The following FBXO10 variants were observed in gnomAD, a reference collection of about 807,000 sequenced individuals.
FBXO10 encodes the protein F-box protein 10, also known as F-box only protein 10.
FBXO10 carries 39 observed loss-of-function variants against 80.7 expected under a neutral mutation model. The observed-to-expected ratio is 0.48, with a 90% CI of 0.37 to 0.63. The LOEUF is 0.63. FBXO10 is among the 30% of genes least tolerant of loss of function. The pLI, the probability that FBXO10 is intolerant of heterozygous loss-of-function variation, is 0.00. For synonymous variants in FBXO10, 449 were observed against 489.6 expected, an observed-to-expected ratio of 0.92 and a Z score of 1.09; for missense variants, 1,025 against 1,269.0, an observed-to-expected ratio of 0.81 and a Z score of 2.92.
At chr9:37,566,060 C>T (rs1421529224) in intron 1 of FBXO10, among the ~76,000 whole-genome samples, 2 of 152,048 alleles carry the variant, frequency 1.3e-5, no homozygotes, top group Non-Finnish European at 2.9e-5. Flanking sequence ...ATTTGGGGGA[C>T]CATGGGGAGC....
At chr9:37,565,246 TC>T (rs1339930189) in intron 1 of FBXO10, among the ~76,000 whole-genome samples, 25 of 152,298 alleles carry the variant, frequency 1.6e-4, no homozygotes, top group Non-Finnish European at 2.6e-4. Context: ...AAACCTCTTT[TC>T]TTTATAAATT....
At chr9:37,562,881 T>A (rs1464634211) in intron 1 of FBXO10, among the ~76,000 whole-genome samples, 1 of 152,132 alleles carries the variant, frequency 6.6e-6, no homozygotes, top group African/African-American at 2.4e-5. Context: ...AACAAAGATA[T>A]GTCTACCAAA....
chr9:37,520,465 A>T (rs1821309489), intron 8 of FBXO10, among the ~76,000 whole-genome samples: 1 of 149,832 alleles, frequency 6.7e-6, no homozygotes, highest in Admixed American at 6.7e-5. Context: ...AGTAGCTGGG[A>T]CCACAGGCAC....
At chr9:37,571,043 G>A (rs940427203) in intron 1 of FBXO10, among the ~76,000 whole-genome samples, 4 of 151,594 alleles carry the variant, frequency 2.6e-5, no homozygotes, top group Non-Finnish European at 4.4e-5. Flanking sequence ...AATATGAAGG[G>A]ATAAACTCCT....
Position 37,532,004 on chromosome 9 carries a change from G to A in FBXO10, c.1474C>T (p.Arg492Cys), listed in dbSNP as rs753024882. 1.2e-6 allele frequency: 2 copies of A among 1,613,992 alleles called. No homozygotes were observed. The highest frequency in any genetic ancestry group is 1.7e-6 in the Non-Finnish European group (2 of 1,179,864). ...YRCRASGIFL[R>C]LEGGGLIAGN... Reference sequence around the variant, plus strand: ...GCAATCAAGCCACCGCCCTCCAAGCGAAGAAAGATGCCTGACGCTCGGCAG... The same window carrying A: ...GCAATCAAGCCACCGCCCTCCAAGCAAAGAAAGATGCCTGACGCTCGGCAG... Residue 492 changes from arginine to cysteine, a missense_variant, in exon 4 of 11, where the codon CGC (arginine) becomes TGC (cysteine). Arg to Cys is a radical substitution (Grantham distance 180). This residue lies in a region of FBXO10 where 478 missense variants were observed against 667.8 expected (regional missense o/e 0.72). Transcript: ENST00000432825.
At chr9:37,574,111 C>T (rs1822831250) in intron 1 of FBXO10, among the ~76,000 whole-genome samples, 1 of 152,182 alleles carries the variant, frequency 6.6e-6, no homozygotes, top group African/African-American at 2.4e-5. Context: ...TCTGAGAGCT[C>T]TTGCTGACTC....
At chr9:37,571,748 T>TATATATATATATATA (rs1167585567) in intron 1 of FBXO10, among the ~76,000 whole-genome samples, 204 of 134,602 alleles carry the variant, frequency 1.5e-3, no homozygotes, top group African/African-American at 2.1e-3. Flanking sequence ...TATATATATA[T>TATATATATATATATA]TTCCTTATTG....
intron 1 of FBXO10, among the ~76,000 whole-genome samples, chr9:37,571,486 C>T (rs949978342): frequency 4.6e-5 from 7 of 151,972 alleles, no homozygotes; most frequent in African/African-American, 1.7e-4. Context: ...ACACCTGTCA[C>T]TGAGATGTGG....
chr9:37,543,448 A>G (rs1012087592), intron 1 of FBXO10, among the ~76,000 whole-genome samples: 1 of 152,130 alleles, frequency 6.6e-6, no homozygotes, highest in Non-Finnish European at 1.5e-5. Context: ...TTTCTAAGCT[A>G]TAAACTCAGG....
At chr9:37,546,865 G>C (rs1359475864) in intron 1 of FBXO10, among the ~76,000 whole-genome samples, 2 of 152,164 alleles carry the variant, frequency 1.3e-5, no homozygotes, top group African/African-American at 4.8e-5. Flanking sequence ...ATTTTTAGTA[G>C]AGATGGGGTT....
chr9:37,541,844 T>C (rs1480834398), intron 1 of FBXO10, 70 bp from the exon 2 acceptor site: 2 of 1,314,732 alleles, frequency 1.5e-6, no homozygotes, highest in East Asian at 2.5e-5. Flanking sequence ...TTTTATTTTT[T>C]TGAGATGGAG....
At chr9:37,557,737 C>CTT (rs1822373322) in intron 1 of FBXO10, among the ~76,000 whole-genome samples, 1 of 152,180 alleles carries the variant, frequency 6.6e-6, no homozygotes, top group Non-Finnish European at 1.5e-5. Context: ...TTACATTTAT[C>CTT]TTTCTACATT....
chr9:37,549,912 T>G (rs1164409972), intron 1 of FBXO10, among the ~76,000 whole-genome samples: 2 of 152,184 alleles, frequency 1.3e-5, no homozygotes, highest in Non-Finnish European at 2.9e-5. Flanking sequence ...GCTCAATGCC[T>G]CTATCCAGCA....
intron 3 of FBXO10, among the ~76,000 whole-genome samples, chr9:37,534,167 A>G (rs1032917403): frequency 2.6e-5 from 4 of 152,034 alleles, no homozygotes; most frequent in African/African-American, 9.7e-5. Flanking sequence ...TAATAATAAA[A>G]TATATTATTA....
chr9:37,544,810 T>C (rs921351068), intron 1 of FBXO10, among the ~76,000 whole-genome samples: 4 of 151,434 alleles, frequency 2.6e-5, no homozygotes, highest in Admixed American at 1.3e-4. Context: ...CTGGCTAACA[T>C]GGTGAAACCC....
chr9:37,537,631 G>A lies in FBXO10; in HGVS notation c.898C>T (p.Arg300Trp), dbSNP rs778737592. ...GTCTTTGGGCTCCAGGCCTGGTCCC[G>A]GCTCTCTAGGTCCAGGGACATTAAA... ...DFLMSLDLESRDQAWSPKTCD... is the reference protein window; with the variant it reads ...DFLMSLDLESWDQAWSPKTCD... Residue 300 changes from arginine (R) to tryptophan (W), a missense_variant, in exon 3 of 11, where the codon CGG becomes TGG. By Grantham distance (101) the Arg-to-Trp change is moderately radical. Transcript: ENST00000432825. 37 of 1,613,864 alleles carry A rather than the reference G, an allele frequency of 2.3e-5. No individual in the cohort carries two copies. The highest frequency in any genetic ancestry group is 3.0e-5 in the Non-Finnish European group (35 of 1,179,904).
chr9:37,530,969 G>T (rs1260070115), intron 4 of FBXO10, among the ~76,000 whole-genome samples: 1 of 152,182 alleles, frequency 6.6e-6, no homozygotes, highest in Non-Finnish European at 1.5e-5. Context: ...GGGCAGTTAA[G>T]ATATGATGGG....
intron 4 of FBXO10, among the ~76,000 whole-genome samples, chr9:37,530,978 G>C (rs1467595491): frequency 2.6e-5 from 4 of 152,102 alleles, no homozygotes; most frequent in Admixed American, 6.6e-5. Context: ...AGATATGATG[G>C]GTTCAGCATT....
At chr9:37,534,184 G>A (rs1440364615) in intron 3 of FBXO10, among the ~76,000 whole-genome samples, 1 of 152,042 alleles carries the variant, frequency 6.6e-6, no homozygotes, top group African/African-American at 2.4e-5. Flanking sequence ...ATTATAAATT[G>A]TGTACTACTA....
Sources: allele counts gnomAD v4.1 joint callset (sites outside exome capture counted in the v4.1 genomes callset), GRCh38; gene constraint gnomAD v4.1.1; regional missense constraint gnomAD v4.1.1; transcripts MANE v1.5; gene names NCBI Gene and HGNC (gene_info 2026-07-23, HGNC 2026-07-21).